Variants in PLAC8 observed in about 807,000 individuals in gnomAD.
The protein encoded by PLAC8 is placenta associated 8.
Under a neutral mutation model 12.6 loss-of-function variants are expected in PLAC8, and 6 were observed. The ratio of observed to expected loss-of-function variants is 0.48; its 90% CI spans 0.26 to 0.94. The LOEUF is 0.94. Among genes scored for constraint, PLAC8 ranks in the 40% least tolerant of loss-of-function variants. The probability of loss-of-function intolerance (pLI) is 0.14; values close to 1 mark genes in which losing one functional copy is unlikely to be tolerated. For missense variants in PLAC8, 122 were observed against 152.7 expected (o/e 0.80, Z 1.06); for synonymous variants, 54 against 52.6 (o/e 1.03, Z -0.11).
At position 83,090,606 on chromosome 4, in the gene PLAC8, T is replaced by C. The variant is rs998784634; in HGVS notation, c.*375A>G. 8.7e-6 allele frequency: 1 copy of C among 114,322 alleles called. No individual in the cohort carries two copies. The highest frequency in any genetic ancestry group is 3.2e-5 in the African/African-American group (1 of 31,256). 7.1% of individuals were successfully genotyped at this position (114,322 alleles called of 1,614,324 possible). On this transcript the variant is annotated 3_prime_UTR_variant, in exon 5 of 5. Coordinates refer to ENST00000311507, the MANE Select transcript of PLAC8 (RefSeq NM_016619.3). ...AAAAAAGAAAAAGGAAATCAAAGTA[T>C]AAGAACAAAATTATGAGACTGACCC...
intron 3 of PLAC8, among the ~76,000 whole-genome samples, chr4:83,098,811 A>T (rs1732011986): frequency 6.6e-6 from 1 of 151,256 alleles, no homozygotes; most frequent in Admixed American, 6.6e-5. Flanking sequence ...CTATTTTGTG[A>T]TATCTGGTGT....
At chr4:83,097,170 A>G (rs2126140393) in intron 3 of PLAC8, among the ~76,000 whole-genome samples, 1 of 152,212 alleles carries the variant, frequency 6.6e-6, no homozygotes. Context: ...CAATTAAGAA[A>G]TTGGCAAATG....
intron 3 of PLAC8, among the ~76,000 whole-genome samples, chr4:83,095,818 G>A (rs1032588192): frequency 1.3e-5 from 2 of 152,238 alleles, no homozygotes; most frequent in East Asian, 1.9e-4. Flanking sequence ...AAAACACTTC[G>A]TTTCAGGGTT....
intron 3 of PLAC8, among the ~76,000 whole-genome samples, chr4:83,099,796 G>C (rs1441077089): frequency 5.4e-5 from 8 of 147,450 alleles, no homozygotes; most frequent in Admixed American, 2.0e-4. Context: ...AAGAAATCTA[G>C]ACCATCCTGG....
At chr4:83,108,420 C>T (rs948643606) in intron 1 of PLAC8, among the ~76,000 whole-genome samples, 1 of 152,174 alleles carries the variant, frequency 6.6e-6, no homozygotes, top group Non-Finnish European at 1.5e-5. Flanking sequence ...TGGCGAAACC[C>T]CGCCTCTACT....
intron 1 of PLAC8, among the ~76,000 whole-genome samples, chr4:83,112,204 G>GTATATA (rs754066888): frequency 7.8e-6 from 1 of 128,688 alleles, no homozygotes; most frequent in South Asian, 2.2e-4. Flanking sequence ...ATATATATAT[G>GTATATA]TATATATATA....
intron 1 of PLAC8, among the ~76,000 whole-genome samples, chr4:83,109,255 G>C (rs1247697790): frequency 6.6e-6 from 1 of 152,154 alleles, no homozygotes; most frequent in African/African-American, 2.4e-5. Context: ...ACCATGAACT[G>C]TATTCAGAAC....
At chr4:83,113,765 A>G (rs1274396035) in intron 1 of PLAC8, among the ~76,000 whole-genome samples, 2 of 152,164 alleles carry the variant, frequency 1.3e-5, no homozygotes, top group Admixed American at 6.5e-5. Context: ...GAATGAGACT[A>G]GAATACCTTT....
intron 3 of PLAC8, among the ~76,000 whole-genome samples, chr4:83,103,523 G>A (rs781428555): frequency 2.4e-4 from 36 of 152,198 alleles, no homozygotes; most frequent in Non-Finnish European, 4.4e-4. Context: ...TGATAAAGCC[G>A]TAACAGGGTT....
At chr4:83,098,727 G>C (rs1363957852) in intron 3 of PLAC8, among the ~76,000 whole-genome samples, 2 of 95,400 alleles carry the variant, frequency 2.1e-5, no homozygotes, top group Non-Finnish European at 4.2e-5. Flanking sequence ...TCCTCTATCA[G>C]AATAAAGGTT....
chr4:83,108,147 A>G (rs1041826149), intron 1 of PLAC8, among the ~76,000 whole-genome samples, 197 bp from the exon 2 acceptor site: 1 of 151,344 alleles, frequency 6.6e-6, no homozygotes. Flanking sequence ...AAATATATAT[A>G]TATATATAAA....
At chr4:83,098,462 G>A (rs1335525315) in intron 3 of PLAC8, among the ~76,000 whole-genome samples, 3 of 152,122 alleles carry the variant, frequency 2.0e-5, no homozygotes, top group Non-Finnish European at 4.4e-5. Context: ...TTACCTTATG[G>A]TCAAACTAAT....
At chr4:83,114,384 A>G (rs998091200) in intron 1 of PLAC8, among the ~76,000 whole-genome samples, 1 of 152,222 alleles carries the variant, frequency 6.6e-6, no homozygotes. Flanking sequence ...AATGTATAAT[A>G]TGTGTTTGCT....
intron 1 of PLAC8, among the ~76,000 whole-genome samples, chr4:83,110,208 G>T (rs948089842): frequency 6.6e-6 from 1 of 152,190 alleles, no homozygotes; most frequent in African/African-American, 2.4e-5. Context: ...GCTGAGCAAC[G>T]CTGGGATTGG....
intron 2 of PLAC8, among the ~76,000 whole-genome samples, chr4:83,107,212 A>C (rs75155248): frequency 0.012 from 736 of 62,000 alleles, 9 homozygotes; most frequent in African/African-American, 0.029. Context: ...AAAACAAACA[A>C]AAAAAAAAAA....
intron 1 of PLAC8, among the ~76,000 whole-genome samples, chr4:83,111,912 G>T (rs917509760): frequency 3.9e-5 from 6 of 152,132 alleles, no homozygotes; most frequent in Admixed American, 6.5e-5. Flanking sequence ...AGCTGTATCG[G>T]CTGGGTGTGG....
At chr4:83,097,417 T>C (rs1051289696) in intron 3 of PLAC8, among the ~76,000 whole-genome samples, 1 of 152,218 alleles carries the variant, frequency 6.6e-6, no homozygotes. Context: ...TTAAAGATTA[T>C]TGGTAAAATA....
At chr4:83,099,231 T>C (rs1008163392) in intron 3 of PLAC8, among the ~76,000 whole-genome samples, 4 of 140,020 alleles carry the variant, frequency 2.9e-5, no homozygotes, top group Non-Finnish European at 6.3e-5. Context: ...TATAATCAGC[T>C]ATAACTTTTT....
chr4:83,106,517 C>T (rs755212147), intron 2 of PLAC8, among the ~76,000 whole-genome samples: 1 of 151,714 alleles, frequency 6.6e-6, no homozygotes, highest in Non-Finnish European at 1.5e-5. Flanking sequence ...ACTCGGAGGC[C>T]AAGGTAGGAG....
Sources: gnomAD v4.1 joint callset for allele counts (sites outside exome capture counted in the v4.1 genomes callset) on GRCh38, gnomAD v4.1.1 for gene constraint, MANE v1.5 for transcripts, NCBI Gene and HGNC (gene_info 2026-07-23, HGNC 2026-07-21) for gene names.